LRRC4C: variants seen among roughly 807,000 people sequenced by gnomAD.
The protein encoded by LRRC4C is leucine-rich repeat-containing protein 4C.
A neutral mutation model predicts 33.6 loss-of-function variants in LRRC4C; 5 were observed. That is an observed-to-expected ratio of 0.15 (90% CI 0.08 to 0.31). The LOEUF (loss-of-function observed/expected upper bound fraction) is 0.31, where lower values mean the gene tolerates loss of function less well. Ranked by LOEUF, LRRC4C falls within the 10% of genes least tolerant of loss-of-function variation. The probability of loss-of-function intolerance (pLI) is 1.00; values close to 1 mark genes in which losing one functional copy is unlikely to be tolerated. For synonymous variants in LRRC4C, 329 were observed against 302.0 expected (o/e 1.09, Z -0.93); for missense variants, 560 against 796.7 (o/e 0.70, Z 3.58).
At chr11:41,348,406 C>CA (rs1951866869) in intron 1 of LRRC4C, among the ~76,000 whole-genome samples, 1 of 96,104 alleles carries the variant, frequency 1.0e-5, no homozygotes, top group African/African-American at 3.8e-5. Flanking sequence ...AATAAAAACA[C>CA]AAAAAATAGA....
At chr11:40,715,153 C>A (rs778272968) in intron 2 of LRRC4C, among the ~76,000 whole-genome samples, 4 of 152,058 alleles carry the variant, frequency 2.6e-5, no homozygotes, top group Non-Finnish European at 5.9e-5. Context: ...TGAGCTGAGA[C>A]AAGATACATA....
chr11:40,973,020 A>T (rs1017899415), intron 1 of LRRC4C, among the ~76,000 whole-genome samples: 1 of 152,104 alleles, frequency 6.6e-6, no homozygotes, highest in Non-Finnish European at 1.5e-5. Context: ...CTGATTGTTT[A>T]AAAGTGTGTG....
At chr11:40,619,844 A>G (rs1202455343) in intron 3 of LRRC4C, among the ~76,000 whole-genome samples, 2 of 151,304 alleles carry the variant, frequency 1.3e-5, no homozygotes, top group Non-Finnish European at 3.0e-5. Context: ...TCGGTGTTGC[A>G]GGGTGAAGTA....
At chr11:40,387,312 A>G (rs1372522494) in intron 3 of LRRC4C, among the ~76,000 whole-genome samples, 5 of 152,080 alleles carry the variant, frequency 3.3e-5, no homozygotes, top group African/African-American at 4.8e-5. Flanking sequence ...TTATTTCTTG[A>G]TAGGTTACTC....
intron 5 of LRRC4C, among the ~76,000 whole-genome samples, chr11:40,210,252 C>CAAA (rs372437066): frequency 3.0e-4 from 41 of 138,026 alleles, no homozygotes; most frequent in South Asian, 2.6e-3. Flanking sequence ...GACTCCGTCT[C>CAAA]AAAAAAAAAA....
At chr11:40,836,433 TA>T (rs1397805914) in intron 2 of LRRC4C, among the ~76,000 whole-genome samples, 1 of 152,154 alleles carries the variant, frequency 6.6e-6, no homozygotes, top group Non-Finnish European at 1.5e-5. Flanking sequence ...ATGCCAATAA[TA>T]AAAATACATA....
intron 1 of LRRC4C, among the ~76,000 whole-genome samples, chr11:41,387,075 G>A (rs779082155): frequency 1.3e-5 from 2 of 151,758 alleles, no homozygotes; most frequent in Non-Finnish European, 2.9e-5. Flanking sequence ...TTTGCTTCAA[G>A]TGTATAAAAG....
At chr11:40,219,439 ATT>A (rs752033302) in intron 5 of LRRC4C, among the ~76,000 whole-genome samples, 38 of 152,100 alleles carry the variant, frequency 2.5e-4, no homozygotes, top group Middle Eastern at 3.2e-3. Flanking sequence ...GCTTTTGTTG[ATT>A]TTGTTTGCTG....
At chr11:41,248,784 A>G (rs1415977876) in intron 1 of LRRC4C, among the ~76,000 whole-genome samples, 1 of 152,220 alleles carries the variant, frequency 6.6e-6, no homozygotes, top group Non-Finnish European at 1.5e-5. Flanking sequence ...GTTAATAAGT[A>G]TCTTAAAATT....
intron 3 of LRRC4C, among the ~76,000 whole-genome samples, chr11:40,597,807 T>C (rs2135784015): frequency 6.6e-6 from 1 of 152,282 alleles, no homozygotes; most frequent in East Asian, 1.9e-4. Flanking sequence ...GTCAGCCCTA[T>C]AATAATACAG....
At chr11:40,362,698 C>A (rs751718544) in intron 3 of LRRC4C, among the ~76,000 whole-genome samples, 2 of 152,094 alleles carry the variant, frequency 1.3e-5, no homozygotes, top group Non-Finnish European at 2.9e-5. Flanking sequence ...CCAGCCTGGG[C>A]AAGAGTGAGA....
chr11:40,425,584 T>C (rs1456246542), intron 3 of LRRC4C, among the ~76,000 whole-genome samples: 1 of 152,078 alleles, frequency 6.6e-6, no homozygotes, highest in East Asian at 1.9e-4. Flanking sequence ...AGACTACCCA[T>C]TGGGTAAGAA....
chr11:41,359,920 T>G (rs1453983638), intron 1 of LRRC4C, among the ~76,000 whole-genome samples: 1 of 152,164 alleles, frequency 6.6e-6, no homozygotes, highest in Non-Finnish European at 1.5e-5. Context: ...CGGTGACTCA[T>G]GCCTGTAACC....
At chr11:41,042,494 T>G (rs770657932) in intron 1 of LRRC4C, among the ~76,000 whole-genome samples, 1 of 152,082 alleles carries the variant, frequency 6.6e-6, no homozygotes, top group Non-Finnish European at 1.5e-5. Context: ...GGAGTGTAGG[T>G]GGAAAGATTA....
At chr11:40,693,553 A>G (rs2136420753) in intron 2 of LRRC4C, among the ~76,000 whole-genome samples, 1 of 152,232 alleles carries the variant, frequency 6.6e-6, no homozygotes, top group South Asian at 2.1e-4. Context: ...TCTACCTTTA[A>G]GGATATACAA....
chr11:40,546,130 CTTCT>C (rs769131017), intron 3 of LRRC4C, among the ~76,000 whole-genome samples: 1 of 133,908 alleles, frequency 7.5e-6, no homozygotes, highest in African/African-American at 2.9e-5. Context: ...TCCTTCCTTC[CTTCT>C]TTCCTTTCTC....
chr11:40,973,384 A>G (rs1851867333), intron 1 of LRRC4C, among the ~76,000 whole-genome samples: 1 of 152,172 alleles, frequency 6.6e-6, no homozygotes, highest in Non-Finnish European at 1.5e-5. Context: ...AAAACAAGAA[A>G]TATGGATAAT....
chr11:40,863,971 A>G lies in LRRC4C; in HGVS notation c.-407+69664T>C, dbSNP rs147783372. Among the ~76,000 whole-genome samples the G allele has an allele frequency of 9.1e-3, 1,381 of 152,272 alleles. 25 individuals are homozygous for G. The highest frequency in any genetic ancestry group is 0.032 in the African/African-American group (1,310 of 41,570). On this transcript the variant is annotated intron_variant, in intron 2 of 6. Coordinates refer to ENST00000528697, the MANE Select transcript of LRRC4C (RefSeq NM_001258419.2). ...CATCAAAAAATCTTAGATCACAAAAATGCAGTTTTTTTAATTGAAGGAAAA... is the reference window on the plus strand; with the variant it reads ...CATCAAAAAATCTTAGATCACAAAAGTGCAGTTTTTTTAATTGAAGGAAAA...
intron 3 of LRRC4C, among the ~76,000 whole-genome samples, chr11:40,396,576 T>G (rs1180464221): frequency 6.6e-6 from 1 of 152,108 alleles, no homozygotes; most frequent in Non-Finnish European, 1.5e-5. Context: ...GTAAAATTGA[T>G]GCCAAAATAT....
Sources: gnomAD v4.1 joint callset for allele counts (sites outside exome capture counted in the v4.1 genomes callset) on GRCh38, gnomAD v4.1.1 for gene constraint, MANE v1.5 for transcripts, NCBI Gene and HGNC (gene_info 2026-07-23, HGNC 2026-07-21) for gene names.